Variants in KIAA1217 observed in about 807,000 individuals in gnomAD.
The protein encoded by KIAA1217 is sickle tail protein homolog.
A neutral mutation model predicts 163.9 loss-of-function variants in KIAA1217; 88 were observed. The observed-to-expected ratio is 0.54, with a 90% CI of 0.45 to 0.64. The LOEUF (loss-of-function observed/expected upper bound fraction) is 0.64, where lower values mean the gene tolerates loss of function less well. Among genes scored for constraint, KIAA1217 ranks in the 30% least tolerant of loss-of-function variants. The pLI, the probability that KIAA1217 is intolerant of heterozygous loss-of-function variation, is 0.00. For missense variants in KIAA1217, 2,372 were observed against 2,475.0 expected (o/e 0.96, Z 0.88); for synonymous variants, 903 against 923.1 (o/e 0.98, Z 0.39).
At chr10:24,244,626 G>A (rs190475639) in intron 2 of KIAA1217, among the ~76,000 whole-genome samples, 41 of 147,088 alleles carry the variant, frequency 2.8e-4, no homozygotes, top group African/African-American at 1.0e-3. Flanking sequence ...GTGCAGTGGC[G>A]AGATGTCCGC....
At chr10:24,474,116 G>A in intron 6 of KIAA1217, 56 bp downstream of exon 6, 1 of 1,350,972 alleles carries the variant, frequency 7.4e-7, no homozygotes, top group Non-Finnish European at 1.0e-6. Flanking sequence ...GTCACTGTGG[G>A]CAGCTCTACA....
intron 2 of KIAA1217, among the ~76,000 whole-genome samples, chr10:24,351,915 C>G (rs1447885902): frequency 1.3e-5 from 2 of 152,178 alleles, no homozygotes; most frequent in African/African-American, 4.8e-5. Flanking sequence ...CACAAGCCAC[C>G]ACCCTGCTGC....
chr10:23,762,408 C>T (rs1394515946), intron 1 of KIAA1217, among the ~76,000 whole-genome samples: 3 of 152,068 alleles, frequency 2.0e-5, no homozygotes, highest in African/African-American at 7.2e-5. Context: ...CATCAAGAAA[C>T]TTATCTACCA....
intron 2 of KIAA1217, among the ~76,000 whole-genome samples, chr10:24,007,679 C>T (rs1485328953): frequency 2.6e-5 from 4 of 152,214 alleles, no homozygotes; most frequent in Non-Finnish European, 4.4e-5. Context: ...GACTCTGGCT[C>T]AAAGCCATGA....
At chr10:23,715,468 G>C (rs1025501280) in intron 1 of KIAA1217, among the ~76,000 whole-genome samples, 1 of 152,156 alleles carries the variant, frequency 6.6e-6, no homozygotes, top group Non-Finnish European at 1.5e-5. Flanking sequence ...TGTGATGTAA[G>C]TAAAACTTAT....
chr10:24,060,215 T>G (rs2060671358), intron 2 of KIAA1217, among the ~76,000 whole-genome samples: 3 of 152,180 alleles, frequency 2.0e-5, no homozygotes, highest in Admixed American at 1.3e-4. Flanking sequence ...ATTTCCTTCT[T>G]TCTGCCAACT....
chr10:24,118,968 C>A (rs1438988390), intron 2 of KIAA1217, among the ~76,000 whole-genome samples: 1 of 151,902 alleles, frequency 6.6e-6, no homozygotes, highest in African/African-American at 2.4e-5. Flanking sequence ...TCCTTCCTAA[C>A]CCCCTAGTCA....
chr10:24,457,338 T>TTTG (rs2061896024), intron 5 of KIAA1217, among the ~76,000 whole-genome samples: 1 of 130,058 alleles, frequency 7.7e-6, no homozygotes, highest in Admixed American at 8.0e-5. Flanking sequence ...TTGTTTGTTT[T>TTTG]TTGTTTTGTG....
intron 1 of KIAA1217, among the ~76,000 whole-genome samples, chr10:23,910,633 C>G (rs1842394093): frequency 6.6e-6 from 1 of 152,140 alleles, no homozygotes; most frequent in South Asian, 2.1e-4. Context: ...TGAGGAAACT[C>G]AAGTTGTGAT....
In KIAA1217 at chr10:24,433,443, T is replaced by G. The variant is rs139229894; in HGVS notation, c.752+250T>G. Among the ~76,000 whole-genome samples, 729 of 152,294 alleles carry G rather than the reference T, an allele frequency of 4.8e-3. 5 individuals carry two copies. Among genetic ancestry groups the G allele is most frequent in the Non-Finnish European group, 8.0e-3 (543 of 68,012 alleles). On this transcript the variant is annotated intron_variant, in intron 4 of 20. Coordinates refer to ENST00000376454, the MANE Select transcript of KIAA1217 (RefSeq NM_019590.5). Reference sequence around the variant, plus strand: ...ATTATCCTGATTGGTTGGGCTTATTTCACCCAGTCAGATGATTTCACTATC... The same window carrying G: ...ATTATCCTGATTGGTTGGGCTTATTGCACCCAGTCAGATGATTTCACTATC...
chr10:23,791,280 A>G (rs1325824208), intron 1 of KIAA1217, among the ~76,000 whole-genome samples: 1 of 152,252 alleles, frequency 6.6e-6, no homozygotes, highest in African/African-American at 2.4e-5. Context: ...AGTTGAGAGA[A>G]GAATATGATA....
At chr10:24,224,885 G>A (rs1223538904) in intron 2 of KIAA1217, among the ~76,000 whole-genome samples, 1 of 144,760 alleles carries the variant, frequency 6.9e-6, no homozygotes, top group African/African-American at 2.6e-5. Flanking sequence ...GGAGTGCAGT[G>A]GCGCAGTCTC....
chr10:24,146,236 A>AT (rs11432854), intron 2 of KIAA1217, among the ~76,000 whole-genome samples: 72,611 of 152,018 alleles, frequency 0.48, 18,763 homozygotes, highest in African/African-American at 0.69. Context: ...TTTTCTTTGT[A>AT]TTTTTTAGTT....
chr10:24,538,697 C>T (rs983800859), intron 17 of KIAA1217, among the ~76,000 whole-genome samples: 2 of 150,398 alleles, frequency 1.3e-5, no homozygotes, highest in Admixed American at 1.3e-4. Flanking sequence ...ACCCATGAAA[C>T]CATGTTGGAA....
intron 10 of KIAA1217, 97 bp downstream of exon 10, chr10:24,513,531 C>T: frequency 8.6e-7 from 1 of 1,166,516 alleles, no homozygotes; most frequent in Non-Finnish European, 1.2e-6. Context: ...GTCTTGCCCT[C>T]TCTTTATTGA....
At chr10:23,763,295 G>C (rs1380145981) in intron 1 of KIAA1217, among the ~76,000 whole-genome samples, 1 of 152,114 alleles carries the variant, frequency 6.6e-6, no homozygotes, top group South Asian at 2.1e-4. Context: ...AGAAGATACT[G>C]TATAGACAAG....
At chr10:23,728,751 C>CT (rs1032905374) in intron 1 of KIAA1217, among the ~76,000 whole-genome samples, 7 of 152,158 alleles carry the variant, frequency 4.6e-5, no homozygotes, top group South Asian at 2.1e-4. Flanking sequence ...CAAAAGTAGA[C>CT]TTTTTTTAGA....
intron 3 of KIAA1217, among the ~76,000 whole-genome samples, chr10:24,420,820 A>G (rs1309919564): frequency 1.3e-5 from 2 of 152,246 alleles, no homozygotes; most frequent in East Asian, 3.9e-4. Context: ...TCATATATCA[A>G]GCTCTCACAA....
Position 24,543,433 on chromosome 10 carries a change from C to A in KIAA1217, c.4163C>A (p.Thr1388Asn). Residue 1388 changes from threonine (T) to asparagine (N), a missense_variant, in exon 19 of 21, where the codon ACC becomes AAC. Thr to Asn is a moderately conservative substitution (Grantham distance 65). Around this residue, in one of 3 missense-constraint regions of KIAA1217, gnomAD observed 251 missense variants for 327.3 expected, o/e 0.77. Coordinates refer to ENST00000376454, the MANE Select transcript of KIAA1217 (RefSeq NM_019590.5). ...AATDNIAFMI[T>N]ETTVQVLSSG... Reference sequence around the variant, plus strand: ...ACTGACAATATTGCCTTCATGATTACCGAAACCACTGTCCAGGTTCTTTCC... The same window carrying A: ...ACTGACAATATTGCCTTCATGATTAACGAAACCACTGTCCAGGTTCTTTCC... The A allele has an allele frequency of 6.2e-7, 1 of 1,614,098 alleles. No individual in the cohort carries two copies. Among genetic ancestry groups the A allele is most frequent in the Non-Finnish European group, 8.5e-7 (1 of 1,180,028 alleles).
Sources: gnomAD v4.1 joint callset for allele counts (sites outside exome capture counted in the v4.1 genomes callset) on GRCh38, gnomAD v4.1.1 for gene constraint, gnomAD v4.1.1 regional missense constraint, MANE v1.5 for transcripts, NCBI Gene and HGNC (gene_info 2026-07-23, HGNC 2026-07-21) for gene names.